Variants in LPA observed in about 807,000 individuals in gnomAD.
LPA encodes the protein apolipoprotein(a).
Under a neutral mutation model 197.9 loss-of-function variants are expected in LPA, and 199 were observed. That is an observed-to-expected ratio of 1.01 (90% CI 0.90 to 1.13). LPA has a LOEUF of 1.13. LPA is among the 50% of genes most tolerant of loss of function. The pLI is 0.00. For missense variants in LPA, 1,853 were observed against 1,785.8 expected (o/e 1.04, Z -0.68); for synonymous variants, 715 against 639.5 (o/e 1.12, Z -1.78).
At chr6:160,550,419 A>C (rs1370367020) in intron 30 of LPA, among the ~76,000 whole-genome samples, 1 of 152,140 alleles carries the variant, frequency 6.6e-6, no homozygotes, top group African/African-American at 2.4e-5. Context: ...GACTCTATAC[A>C]TGTGACCCAG....
At chr6:160,563,891 C>CT (rs1022079709) in intron 28 of LPA, among the ~76,000 whole-genome samples, 7 of 151,528 alleles carry the variant, frequency 4.6e-5, no homozygotes, top group African/African-American at 1.7e-4. Context: ...GCAACCGCTG[C>CT]TTTTTTTTTC....
chr6:160,588,605 GC>G (rs1412966741), intron 24 of LPA, among the ~76,000 whole-genome samples: 3 of 152,086 alleles, frequency 2.0e-5, no homozygotes, highest in Non-Finnish European at 4.4e-5. Context: ...TTTGTATTTA[GC>G]CAAAGCCTTG....
chr6:160,595,422 G>C lies in LPA; in HGVS notation c.3401C>G (p.Thr1134Arg), dbSNP rs1332507543. ...EYCNLTQCLV[T>R]ESSVLATLTV... ...GAGAGTTGCAAGGACACTTGATTCT[G>C]TCACCAGGCATTGTGTCAGGTTGCA... is the stretch of plus-strand genomic sequence containing the variant. Residue 1134 changes from threonine (T) to arginine (R), a missense_variant, in exon 21 of 39, where the codon ACA (threonine) becomes AGA (arginine). By Grantham distance (71) the Thr-to-Arg change is moderately conservative. Around this residue, in one of 3 missense-constraint regions of LPA, gnomAD observed 1,737 missense variants for 1,504.4 expected, o/e 1.15. Coordinates refer to ENST00000316300, the MANE Select transcript of LPA (RefSeq NM_005577.4). 1 of 1,613,878 alleles carries C rather than the reference G, an allele frequency of 6.2e-7. No individual in the cohort carries two copies. The highest frequency in any genetic ancestry group is 2.2e-5 in the East Asian group (1 of 44,856).
chr6:160,591,033 G>A lies in LPA; in HGVS notation c.3698C>T (p.Pro1233Leu), dbSNP rs1201280250. ...GTTGCAGTACTCCCATCTGACATTG[G>A]GATCCATGGTATAACACCAAGGACT... Reference protein sequence around the residue: ...EISPWCYTMDPNVRWEYCNLT... With the variant: ...EISPWCYTMDLNVRWEYCNLT... The change falls in exon 23 of 39, where the codon CCC becomes CTC. Residue 1233 changes from proline (P) to leucine (L), a missense_variant. Transcript: ENST00000316300. 1 of 1,613,894 alleles carries A rather than the reference G, an allele frequency of 6.2e-7. No homozygotes were observed. The highest frequency in any genetic ancestry group is 8.5e-7 in the Non-Finnish European group (1 of 1,179,914).
intron 26 of LPA, among the ~76,000 whole-genome samples, chr6:160,578,960 A>G (rs931679294): frequency 6.6e-6 from 1 of 152,230 alleles, no homozygotes; most frequent in Non-Finnish European, 1.5e-5. Flanking sequence ...GAGATAATAC[A>G]TGTCTGTACA....
chr6:160,555,323 A>ATG (rs1359693407), intron 30 of LPA, among the ~76,000 whole-genome samples: 1 of 112,572 alleles, frequency 8.9e-6, no homozygotes, highest in East Asian at 2.4e-4. Flanking sequence ...GTGTGTGTGT[A>ATG]TGTGTGTGTG....
In LPA at chr6:160,595,489, G is replaced by T. The variant is rs764153275; in HGVS notation, c.3334C>A (p.Pro1112Thr). The change falls in exon 21 of 39, where the codon CCT (proline) becomes ACT (threonine). Residue 1112 changes from proline (P) to threonine (T), a missense_variant. Physicochemically the swap from Pro to Thr is conservative, Grantham distance 38 (BLOSUM62 -1). Around this residue, in one of 3 missense-constraint regions of LPA, gnomAD observed 1,737 missense variants for 1,504.4 expected, o/e 1.15. Coordinates refer to ENST00000316300, the MANE Select transcript of LPA (RefSeq NM_005577.4). Reference protein sequence around the residue: ...YCRNPDAEIRPWCYTMDPSVR... With the variant: ...YCRNPDAEIRTWCYTMDPSVR... ...CTGGGATCCATGGTGTAACACCAAG[G>T]GCGAATCTCAGCATCTGGATTCCTG... The T allele has an allele frequency of 1.2e-6, 2 of 1,613,842 alleles. No homozygotes were observed. Among genetic ancestry groups the T allele is most frequent in the South Asian group, 2.2e-5 (2 of 91,062 alleles).
Position 160,552,210 on chromosome 6 carries a change from C to A in LPA, c.4974-3551G>T, listed in dbSNP as rs1583573364. ...AACAGGCATGAGCCAAGGGGCCAGG[C>A]CAATACCACATGTCTTGATTCCTGT... On this transcript the variant is annotated intron_variant, in intron 30 of 38. Transcript: ENST00000316300. Among the ~76,000 whole-genome samples the A allele has an allele frequency of 3.3e-5, 5 of 152,284 alleles. No individual in the cohort carries two copies. In the South Asian group the frequency reaches 1.0e-3, roughly 32 times the overall value.
At chr6:160,662,464 G>T (rs1051250495) in intron 1 of LPA, among the ~76,000 whole-genome samples, 6 of 152,142 alleles carry the variant, frequency 3.9e-5, no homozygotes, top group African/African-American at 1.2e-4. Flanking sequence ...AAGATAACAC[G>T]TCCACAGAAA....
At position 160,578,564 on chromosome 6, in the gene LPA, G is replaced by A; in HGVS notation, c.4430C>T (p.Thr1477Ile). ...CTCTGTGCTTGGAACCGGGGCCACT[G>A]TGGGAGTTGTGAGGACACTCGATTC... Reference protein sequence around the residue: ...VTESSVLTTPTVAPVPSTEAP... With the variant: ...VTESSVLTTPIVAPVPSTEAP... The change falls in exon 27 of 39, where the codon ACA (threonine) becomes ATA (isoleucine). Residue 1477 changes from threonine (T) to isoleucine (I), a missense_variant. This residue lies in a region of LPA where 1,737 missense variants were observed against 1,504.4 expected (regional missense o/e 1.15). Coordinates refer to ENST00000316300, the MANE Select transcript of LPA (RefSeq NM_005577.4). The A allele has an allele frequency of 1.2e-6, 2 of 1,613,914 alleles. No individual in the cohort carries two copies. Among genetic ancestry groups the A allele is most frequent in the Admixed American group, 1.7e-5 (1 of 60,018 alleles).
Position 160,585,163 on chromosome 6 carries a change from C to T in LPA, c.4172G>A (p.Gly1391Asp). ...NSTGVQDCYR[G>D]DGQSYRGTLS... ...TGTGCCTCGATAACTCTGTCCATCA[C>T]CTCGGTAGCAGTCCTGGACCCCAGT... The change falls in exon 26 of 39, where the codon GGT becomes GAT. Residue 1391 changes from glycine (G) to aspartate (D), a missense_variant. This residue lies in a region of LPA where 1,737 missense variants were observed against 1,504.4 expected (regional missense o/e 1.15). Coordinates refer to ENST00000316300, the MANE Select transcript of LPA (RefSeq NM_005577.4). The T allele has an allele frequency of 6.2e-7, 1 of 1,613,626 alleles. No homozygotes were observed. The highest frequency in any genetic ancestry group is 1.1e-5 in the South Asian group (1 of 91,070).
chr6:160,650,106 G>C (rs1353932832), intron 2 of LPA, among the ~76,000 whole-genome samples: 1 of 152,042 alleles, frequency 6.6e-6, no homozygotes. Flanking sequence ...CATTATTGTG[G>C]CCTCACCACC....
intron 28 of LPA, among the ~76,000 whole-genome samples, chr6:160,571,445 G>A (rs1778560138): frequency 6.6e-6 from 1 of 152,186 alleles, no homozygotes; most frequent in African/African-American, 2.4e-5. Flanking sequence ...TGGCAGGCAG[G>A]AAACTAAGTC....
At chr6:160,543,093 T>A (rs935850152) in intron 33 of LPA, among the ~76,000 whole-genome samples, 3 of 152,216 alleles carry the variant, frequency 2.0e-5, no homozygotes, top group Non-Finnish European at 4.4e-5. Flanking sequence ...TGTGGACATA[T>A]GTGCATGTGT....
Position 160,578,537 on chromosome 6 carries a change from G to A in LPA, c.4457C>T (p.Ala1486Val). 6.2e-7 allele frequency: 1 copy of A among 1,613,832 alleles called. No homozygotes were observed. Among genetic ancestry groups the A allele is most frequent in the Non-Finnish European group, 8.5e-7 (1 of 1,179,768 alleles). Residue 1486 changes from alanine to valine, a missense_variant, in exon 27 of 39, where the codon GCT becomes GTT. Ala to Val is a moderately conservative substitution (Grantham distance 64). Around this residue, in one of 3 missense-constraint regions of LPA, gnomAD observed 1,737 missense variants for 1,504.4 expected, o/e 1.15. Coordinates refer to ENST00000316300, the MANE Select transcript of LPA (RefSeq NM_005577.4). ...PTVAPVPSTE[A>V]PSEQAPPEKS... ...AAATTTCTTACCTTGTTCAGAAGGA[G>A]CCTCTGTGCTTGGAACCGGGGCCAC...
intron 26 of LPA, among the ~76,000 whole-genome samples, chr6:160,578,917 C>T (rs183972682): frequency 6.6e-6 from 1 of 152,266 alleles, no homozygotes; most frequent in East Asian, 1.9e-4. Context: ...TGTTTTAAAA[C>T]ATCAAAAGTA....
intron 28 of LPA, among the ~76,000 whole-genome samples, chr6:160,558,611 A>G (rs1209020680): frequency 6.6e-6 from 1 of 152,102 alleles, no homozygotes; most frequent in Non-Finnish European, 1.5e-5. Flanking sequence ...AGCCACTCCG[A>G]AACTGAGGGA....
intron 30 of LPA, among the ~76,000 whole-genome samples, chr6:160,553,359 A>G (rs1778196099): frequency 1.3e-5 from 2 of 152,186 alleles, no homozygotes; most frequent in Non-Finnish European, 2.9e-5. Flanking sequence ...ATCTTTTAAT[A>G]CAGAAGCCTG....
chr6:160,632,014 G>GTC (rs1779696797), intron 8 of LPA, among the ~76,000 whole-genome samples: 1 of 143,670 alleles, frequency 7.0e-6, no homozygotes, highest in African/African-American at 2.5e-5. Context: ...GTGTGTGTGT[G>GTC]TGTGTGTGTA....
Sources: gnomAD v4.1 joint callset for allele counts (sites outside exome capture counted in the v4.1 genomes callset) on GRCh38, gnomAD v4.1.1 for gene constraint, gnomAD v4.1.1 regional missense constraint, MANE v1.5 for transcripts, NCBI Gene and HGNC (gene_info 2026-07-23, HGNC 2026-07-21) for gene names.